WNK2: variants seen among roughly 807,000 people sequenced by gnomAD.
WNK2 encodes serine/threonine-protein kinase WNK2.
WNK2 carries 67 observed loss-of-function variants against 192.1 expected under a neutral mutation model. That is an observed-to-expected ratio of 0.35 (90% CI 0.29 to 0.43). The LOEUF (loss-of-function observed/expected upper bound fraction) is 0.43. Ranked by LOEUF, WNK2 falls within the 20% of genes least tolerant of loss-of-function variation. WNK2 has a pLI of 1.00. For missense variants in WNK2, 2,698 were observed against 3,089.7 expected (o/e 0.87, Z 3.01); for synonymous variants, 1,439 against 1,393.9 (o/e 1.03, Z -0.72).
At position 93,289,469 on chromosome 9, in the gene WNK2, C is replaced by G; in HGVS notation, c.4715C>G (p.Ala1572Gly). The G allele has an allele frequency of 6.2e-7, 1 of 1,612,448 alleles. No homozygotes were observed. The highest frequency in any genetic ancestry group is 8.5e-7 in the Non-Finnish European group (1 of 1,179,448). The change falls in exon 20 of 30, where the codon GCT becomes GGT. Residue 1572 changes from alanine (A) to glycine (G), a missense_variant. Physicochemically the swap from Ala to Gly is moderately conservative, Grantham distance 60. Around this residue, in one of 7 missense-constraint regions of WNK2, gnomAD observed 1,098 missense variants for 1,101.0 expected, o/e 1.00. Coordinates refer to ENST00000427277, the MANE Select transcript of WNK2 (RefSeq NM_006648.4). ...CACGTGCCCACCTCCTCAGCCTCAG[C>G]TGGGACCCCTGTGGAGGTGGGCGAC... ...QEHVPTSSAS[A>G]GTPVEVGDRD...
chr9:93,241,392 GC>G (rs1386407814), intron 7 of WNK2, among the ~76,000 whole-genome samples: 1 of 152,220 alleles, frequency 6.6e-6, no homozygotes, highest in Non-Finnish European at 1.5e-5. Flanking sequence ...GCTCATGATA[GC>G]CCTCGGCTCA....
At chr9:93,217,061 C>T (rs893014855) in intron 2 of WNK2, among the ~76,000 whole-genome samples, 3 of 151,660 alleles carry the variant, frequency 2.0e-5, no homozygotes, top group East Asian at 1.9e-4. Flanking sequence ...CAGGTTCAAG[C>T]GATTGTCCTG....
At position 93,264,186 on chromosome 9, in the gene WNK2, C is replaced by T. The variant is rs547661626; in HGVS notation, c.3696+153C>T. 7.2e-5 allele frequency among the ~76,000 whole-genome samples: 11 copies of T among 152,182 alleles called. No homozygotes were observed. The East Asian group carries it at 7.8e-4, about 11-fold the overall frequency. On this transcript the variant is annotated intron_variant, in intron 16 of 29. Coordinates refer to ENST00000427277, the MANE Select transcript of WNK2 (RefSeq NM_006648.4). ...GGGACAGTGCTGACCTTTTACGCCTCGGGCTCTTCCCCACACTGGGCGGAA... is the reference window on the plus strand; with the variant it reads ...GGGACAGTGCTGACCTTTTACGCCTTGGGCTCTTCCCCACACTGGGCGGAA...
intron 29 of WNK2, chr9:93,318,220 T>G (rs967808203): frequency 2.0e-6 from 3 of 1,481,022 alleles, no homozygotes; most frequent in Admixed American, 2.4e-5. Context: ...TAATCTTTAT[T>G]TACTGTTTTA....
chr9:93,192,715 A>C (rs904193742), intron 2 of WNK2, among the ~76,000 whole-genome samples: 9 of 152,206 alleles, frequency 5.9e-5, no homozygotes, highest in African/African-American at 2.2e-4. Flanking sequence ...TTTAGGTGCT[A>C]AGACAAAATT....
intron 2 of WNK2, among the ~76,000 whole-genome samples, chr9:93,218,447 A>T (rs1323185926): frequency 6.6e-6 from 1 of 152,128 alleles, no homozygotes. Context: ...CCGGGCTCCC[A>T]GTTACCTTGG....
chr9:93,211,522 A>ACATTCACTCACTCACTCATC (rs1329039287), intron 2 of WNK2, among the ~76,000 whole-genome samples: 2 of 125,000 alleles, frequency 1.6e-5, no homozygotes, highest in South Asian at 2.6e-4. Flanking sequence ...ACTCACTCAT[A>ACATTCACTCACTCACTCATC]CATTCACTCA....
Position 93,191,235 on chromosome 9 carries a change from C to T in WNK2, c.681+5625C>T, listed in dbSNP as rs529827083. Among the ~76,000 whole-genome samples, 8 of 152,010 alleles carry T rather than the reference C, an allele frequency of 5.3e-5. No homozygotes were observed. The South Asian group carries it at 6.2e-4, about 12-fold the overall frequency. Reference sequence around the variant, plus strand: ...CAGCTGGGGGCTTACTCTGAGGTTGCGTAAAGCTTTATTGATGGACAGCTA... The same window carrying T: ...CAGCTGGGGGCTTACTCTGAGGTTGTGTAAAGCTTTATTGATGGACAGCTA... On this transcript the variant is annotated intron_variant, in intron 2 of 29. Coordinates refer to ENST00000427277, the MANE Select transcript of WNK2 (RefSeq NM_006648.4).
chr9:93,314,891 G>C (rs1260825610), intron 28 of WNK2, among the ~76,000 whole-genome samples: 1 of 146,468 alleles, frequency 6.8e-6, no homozygotes, highest in Non-Finnish European at 1.5e-5. Flanking sequence ...AGGCTTTCCC[G>C]GGGGGGGTTT....
chr9:93,259,298 C>T lies in WNK2; in HGVS notation c.2750C>T (p.Pro917Leu), dbSNP rs1843802021. 1 of 1,613,754 alleles carries T rather than the reference C, an allele frequency of 6.2e-7. No homozygotes were observed. The highest frequency in any genetic ancestry group is 1.7e-5 in the Admixed American group (1 of 60,014). ...CAACCTGTGTACCCAGCGGCCTTCC[C>T]ACAGATGGCGCCTACTGACGTCCCT... ...PGQPVYPAAFPQMAPTDVPPS... is the reference protein window; with the variant it reads ...PGQPVYPAAFLQMAPTDVPPS... Residue 917 changes from proline (P) to leucine (L), a missense_variant, in exon 12 of 30, where the codon CCA (proline) becomes CTA (leucine). Pro to Leu is a moderately conservative substitution (Grantham distance 98, BLOSUM62 -3). Around this residue, in one of 7 missense-constraint regions of WNK2, gnomAD observed 893 missense variants for 909.0 expected, o/e 0.98. Transcript: ENST00000427277. The surrounding 1 kb of genome is among the most constrained non-coding windows in gnomAD (Gnocchi z 4.8).
chr9:93,256,347 C>G lies in WNK2; in HGVS notation c.2083C>G (p.Leu695Val). ...CCCGGCCCCCGCCTGCCCTCCGTCCCTCCAGCAGCACTTCCCGGATCCGGC... is the reference window on the plus strand; with the variant it reads ...CCCGGCCCCCGCCTGCCCTCCGTCCGTCCAGCAGCACTTCCCGGATCCGGC... ...SVPAPACPPS[L>V]QQHFPDPAMS... The change falls in exon 10 of 30, where the codon CTC (leucine) becomes GTC (valine). Residue 695 changes from leucine to valine, a missense_variant. Around this residue, in one of 7 missense-constraint regions of WNK2, gnomAD observed 893 missense variants for 909.0 expected, o/e 0.98. Transcript: ENST00000427277. The G allele has an allele frequency of 6.3e-7, 1 of 1,586,104 alleles. No homozygotes were observed. The highest frequency in any genetic ancestry group is 1.3e-5 in the African/African-American group (1 of 74,704).
At chr9:93,230,829 T>G in intron 3 of WNK2, 59 bp from the exon 4 acceptor site, 1 of 1,511,630 alleles carries the variant, frequency 6.6e-7, no homozygotes. Context: ...GGTGGGGGCT[T>G]TGCTAGGGGG....
intron 21 of WNK2, among the ~76,000 whole-genome samples, chr9:93,291,519 G>A (rs1849346899): frequency 6.6e-6 from 1 of 152,196 alleles, no homozygotes; most frequent in Non-Finnish European, 1.5e-5. Flanking sequence ...GGAGTCAGAT[G>A]TTACATACGG....
At chr9:93,274,276 A>T (rs188838250) in intron 19 of WNK2, among the ~76,000 whole-genome samples, 1 of 152,314 alleles carries the variant, frequency 6.6e-6, no homozygotes, top group Admixed American at 6.5e-5. Flanking sequence ...TAATCCCAGC[A>T]CTTTGGCGGG....
In WNK2 at chr9:93,267,768, A is replaced by G; in HGVS notation, c.3719A>G (p.Gln1240Arg). The G allele has an allele frequency of 6.2e-7, 1 of 1,604,832 alleles. No homozygotes were observed. ...CAGGTGGAGCATGACTTTATCCTGC[A>G]GGCCGAGCGGGAAACGTTCATCGAG... Reference protein sequence around the residue: ...TYMVEHDFILQAERETFIEQM... With the variant: ...TYMVEHDFILRAERETFIEQM... Residue 1240 changes from glutamine to arginine, a missense_variant, in exon 17 of 30, where the codon CAG (glutamine) becomes CGG (arginine). Coordinates refer to ENST00000427277, the MANE Select transcript of WNK2 (RefSeq NM_006648.4).
chr9:93,288,061 C>G (rs543892383), intron 19 of WNK2, among the ~76,000 whole-genome samples: 1 of 152,114 alleles, frequency 6.6e-6, no homozygotes, highest in African/African-American at 2.4e-5. Context: ...AAAGAAAGGT[C>G]GGGTTGCATT....
chr9:93,226,285 T>G (rs1415449061), intron 2 of WNK2, among the ~76,000 whole-genome samples: 2 of 152,248 alleles, frequency 1.3e-5, no homozygotes, highest in African/African-American at 4.8e-5. Context: ...ATCGTTCTCC[T>G]TCCAGCTCAG....
intron 2 of WNK2, among the ~76,000 whole-genome samples, chr9:93,186,692 C>G (rs930850319): frequency 2.6e-5 from 4 of 152,238 alleles, no homozygotes; most frequent in African/African-American, 9.6e-5. Flanking sequence ...GCTATATCCT[C>G]CGGCCCCGAC....
At position 93,320,384 on chromosome 9, in the gene WNK2, C is replaced by A; in HGVS notation, c.6646C>A (p.Pro2216Thr). The change falls in exon 30 of 30, where the codon CCT becomes ACT. Residue 2216 changes from proline to threonine, a missense_variant. Pro to Thr is a conservative substitution (Grantham distance 38). This residue lies in a region of WNK2 where 167 missense variants were observed against 184.2 expected (regional missense o/e 0.91). Coordinates refer to ENST00000427277, the MANE Select transcript of WNK2 (RefSeq NM_006648.4). Reference sequence around the variant, plus strand: ...TTTTCCAGATCCTGAGAGTGAGAAGCCTGACTGACCCCGCCTAGACGCCAG... The same window carrying A: ...TTTTCCAGATCCTGAGAGTGAGAAGACTGACTGACCCCGCCTAGACGCCAG... ...VPTPDPESEK[P>T]D is the part of the protein sequence containing the mutation. 2 of 1,367,678 alleles carry A rather than the reference C, an allele frequency of 1.5e-6. No individual in the cohort carries two copies. Among genetic ancestry groups the A allele is most frequent in the Non-Finnish European group, 2.0e-6 (2 of 1,021,834 alleles). The allele number at this position is 1,367,678 out of a possible 1,614,324, so 84.7% of individuals were successfully genotyped here. A position where few individuals can be genotyped will look rare whatever the true frequency, so the allele number is the denominator to read the frequency against.
Sources: gnomAD v4.1 joint callset for allele counts (sites outside exome capture counted in the v4.1 genomes callset) on GRCh38, gnomAD v4.1.1 for gene constraint, gnomAD v4.1.1 regional missense constraint, Gnocchi (gnomAD v3.1) non-coding constraint, MANE v1.5 for transcripts, NCBI Gene and HGNC (gene_info 2026-07-23, HGNC 2026-07-21) for gene names.